RORB: variants seen among roughly 807,000 people sequenced by gnomAD.
RORB encodes RAR related orphan receptor B, also known as nuclear receptor ROR-beta.
RORB carries 6 observed loss-of-function variants against 59.1 expected under a neutral mutation model. The observed-to-expected ratio is 0.10, with a 90% CI of 0.06 to 0.20. RORB has a LOEUF of 0.20. RORB is among the 10% of genes least tolerant of loss of function. The pLI is 1.00. For synonymous variants in RORB, 215 were observed against 204.5 expected (o/e 1.05, Z -0.44); for missense variants, 320 against 560.5 (o/e 0.57, Z 4.33).
At chr9:74,666,223 G>T (rs763462918) in intron 7 of RORB, among the ~76,000 whole-genome samples, 2 of 152,196 alleles carry the variant, frequency 1.3e-5, no homozygotes, top group Non-Finnish European at 2.9e-5. Flanking sequence ...GGAGGTGGAG[G>T]TTGCAGTGAG....
intron 1 of RORB, among the ~76,000 whole-genome samples, chr9:74,580,736 G>A (rs1260718411): frequency 1.3e-5 from 2 of 152,112 alleles, no homozygotes; most frequent in African/African-American, 4.8e-5. Flanking sequence ...CCAAACAGGT[G>A]ATAAGAAAAC....
chr9:74,505,639 T>C (rs1825860343), intron 1 of RORB, among the ~76,000 whole-genome samples: 1 of 152,074 alleles, frequency 6.6e-6, no homozygotes, highest in Non-Finnish European at 1.5e-5. Flanking sequence ...GGGGAAGTGA[T>C]GTTTGAGATG....
chr9:74,549,539 GGGAGGGAGGGAAGGAAGGAAGGAA>G (rs1225526345), intron 1 of RORB, among the ~76,000 whole-genome samples: 2 of 26,284 alleles, frequency 7.6e-5, no homozygotes, highest in African/African-American at 4.3e-4. Flanking sequence ...GAGGGAGGGA[GGGAGGGAGGGAAGGAAGGAAGGAA>G]GGAAGGAAGG....
intron 3 of RORB, among the ~76,000 whole-genome samples, chr9:74,639,314 T>G (rs1032615387): frequency 3.9e-5 from 6 of 152,152 alleles, no homozygotes; most frequent in South Asian, 2.1e-4. Context: ...ATTCCATTGG[T>G]CCACAGTAAG....
chr9:74,631,106 T>G lies in RORB; in HGVS notation c.93+739T>G, dbSNP rs1370359062. On this transcript the variant is annotated intron_variant, in intron 2 of 9. Transcript: ENST00000376896. ...CCTTCCCGTGGCAAACTAATTACTG[T>G]GAGCAAGCTGCTTTCTTAAATAAAG... Among the ~76,000 whole-genome samples the G allele has an allele frequency of 2.6e-5, 4 of 152,320 alleles. No homozygotes were observed. The East Asian group carries it at 7.7e-4, about 29-fold the overall frequency.
At chr9:74,519,083 A>T (rs1005150365) in intron 1 of RORB, among the ~76,000 whole-genome samples, 4 of 151,968 alleles carry the variant, frequency 2.6e-5, no homozygotes, top group African/African-American at 9.7e-5. Context: ...TACCCCAGTA[A>T]ATGAGTTTAC....
In RORB at chr9:74,642,714, A is replaced by G. The variant is rs1195244732; in HGVS notation, c.536A>G (p.Lys179Arg). The G allele has an allele frequency of 6.2e-7, 1 of 1,614,078 alleles. No individual in the cohort carries two copies. Among genetic ancestry groups the G allele is most frequent in the Non-Finnish European group, 8.5e-7 (1 of 1,180,032 alleles). The change falls in exon 4 of 10, where the codon AAG (lysine) becomes AGG (arginine). Residue 179 changes from lysine to arginine, a missense_variant. Physicochemically the swap from Lys to Arg is conservative, Grantham distance 26. This residue lies in a region of RORB where 134 missense variants were observed against 156.2 expected (regional missense o/e 0.86). Coordinates refer to ENST00000376896, the MANE Select transcript of RORB (RefSeq NM_006914.4). ...GLDMTGIKQI[K>R]QEPIYDLTSV... ...GACATGACTGGAATCAAACAGATAA[A>G]GCAAGAACCTATCTATGACCTCACA...
intron 3 of RORB, among the ~76,000 whole-genome samples, chr9:74,636,958 A>G (rs1823713584): frequency 2.6e-5 from 4 of 152,182 alleles, no homozygotes; most frequent in Admixed American, 2.6e-4. Context: ...TTTACCTCCT[A>G]TTGATAAGTA....
At chr9:74,535,870 A>G (rs1826315270) in intron 1 of RORB, among the ~76,000 whole-genome samples, 1 of 152,086 alleles carries the variant, frequency 6.6e-6, no homozygotes, top group Admixed American at 6.6e-5. Context: ...ATGTAAGTAC[A>G]AATGACTGGA....
At chr9:74,644,579 A>T (rs567924645) in intron 4 of RORB, among the ~76,000 whole-genome samples, 343 of 152,310 alleles carry the variant, frequency 2.3e-3, no homozygotes, top group Non-Finnish European at 4.3e-3. Flanking sequence ...GCTACCTGCC[A>T]TGGGTCTCAA....
In RORB at chr9:74,691,239, C is replaced by T. The variant is rs557788761; in HGVS notation, c.*5621C>T. The T allele has an allele frequency of 5.6e-4, 85 of 152,286 alleles. No homozygotes were observed. The highest frequency in any genetic ancestry group is 2.0e-3 in the African/African-American group (82 of 41,550). The allele number at this position is 152,286 out of a possible 1,614,324, so 9.4% of individuals were successfully genotyped here. A position where few individuals can be genotyped will look rare whatever the true frequency, so the allele number is the denominator to read the frequency against. On this transcript the variant is annotated 3_prime_UTR_variant, in exon 10 of 10. Coordinates refer to ENST00000376896, the MANE Select transcript of RORB (RefSeq NM_006914.4). ...TGTTCTCATGGCCAAAAATAAAGCA[C>T]AAGGGTTACCGGAATTGAATGAGCC...
At chr9:74,529,644 T>C (rs1051853628) in intron 1 of RORB, among the ~76,000 whole-genome samples, 3 of 151,976 alleles carry the variant, frequency 2.0e-5, no homozygotes, top group African/African-American at 7.2e-5. Flanking sequence ...TAATATAAAG[T>C]ACCTTAAAAG....
intron 6 of RORB, among the ~76,000 whole-genome samples, chr9:74,665,141 G>C (rs970623964): frequency 6.6e-6 from 1 of 152,146 alleles, no homozygotes; most frequent in Non-Finnish European, 1.5e-5. Flanking sequence ...TTTTCAAAAA[G>C]TAATGTCCAG....
At chr9:74,598,147 C>T (rs993495942) in intron 1 of RORB, among the ~76,000 whole-genome samples, 6 of 152,208 alleles carry the variant, frequency 3.9e-5, no homozygotes, top group Admixed American at 2.6e-4. Flanking sequence ...ATCTGCAACT[C>T]GAACTCACTC....
intron 1 of RORB, among the ~76,000 whole-genome samples, chr9:74,585,563 G>T (rs775555080): frequency 5.9e-5 from 9 of 152,136 alleles, no homozygotes; most frequent in Non-Finnish European, 8.8e-5. Context: ...GTGTTAGACA[G>T]AAGGCAGCTG....
chr9:74,549,654 A>G (rs1826574910), intron 1 of RORB, among the ~76,000 whole-genome samples: 1 of 150,870 alleles, frequency 6.6e-6, no homozygotes, highest in African/African-American at 2.4e-5. Flanking sequence ...AGAAAGAGAG[A>G]AGAGACTGCT....
intron 9 of RORB, among the ~76,000 whole-genome samples, chr9:74,682,800 C>A (rs1470418557): frequency 6.6e-6 from 1 of 152,128 alleles, no homozygotes; most frequent in African/African-American, 2.4e-5. Flanking sequence ...CTATGTTGGC[C>A]AGGCTGGTCT....
chr9:74,683,471 G>A (rs578063567), intron 9 of RORB, among the ~76,000 whole-genome samples: 1 of 152,110 alleles, frequency 6.6e-6, no homozygotes, highest in East Asian at 1.9e-4. Flanking sequence ...CCCTCTCAGA[G>A]AACATAACGT....
intron 1 of RORB, among the ~76,000 whole-genome samples, chr9:74,549,647 A>G (rs1431033103): frequency 1.3e-5 from 2 of 150,664 alleles, no homozygotes; most frequent in African/African-American, 2.4e-5. Flanking sequence ...GAAAGAAAGA[A>G]AGAGAGAAGA....
Sources: gnomAD v4.1 joint callset for allele counts (sites outside exome capture counted in the v4.1 genomes callset) on GRCh38, gnomAD v4.1.1 for gene constraint, gnomAD v4.1.1 regional missense constraint, MANE v1.5 for transcripts, NCBI Gene and HGNC (gene_info 2026-07-23, HGNC 2026-07-21) for gene names.